Variants in TMEM117 observed in about 807,000 individuals in gnomAD.
TMEM117 encodes the protein transmembrane protein 117.
Under a neutral mutation model 52.4 loss-of-function variants are expected in TMEM117, and 27 were observed. That is an observed-to-expected ratio of 0.51 (90% CI 0.38 to 0.71). The LOEUF is 0.71. Among genes scored for constraint, TMEM117 ranks in the 30% least tolerant of loss-of-function variants. The pLI, the probability that TMEM117 is intolerant of heterozygous loss-of-function variation, is 0.00. For missense variants in TMEM117, 556 were observed against 630.5 expected (o/e 0.88, Z 1.26); for synonymous variants, 215 against 206.3 (o/e 1.04, Z -0.36).
intron 6 of TMEM117, among the ~76,000 whole-genome samples, chr12:44,337,312 C>T (rs1204277560): frequency 6.6e-6 from 1 of 151,912 alleles, no homozygotes; most frequent in African/African-American, 2.4e-5. Flanking sequence ...AACTGACCCT[C>T]TTATAAGGGA....
the TMEM117 span, chr12:43,796,894 T>C: frequency 7.3e-7 from 1 of 1,373,120 alleles, no homozygotes; most frequent in Non-Finnish European, 1.0e-6. Context: ...TTTTCATTTA[T>C]AAATCACAGT....
At chr12:44,026,120 T>A (rs1946530315) in intron 3 of TMEM117, among the ~76,000 whole-genome samples, 1 of 152,216 alleles carries the variant, frequency 6.6e-6, no homozygotes, top group African/African-American at 2.4e-5. Context: ...CATCTTGGTC[T>A]TGTGATTATT....
chr12:44,071,766 A>G (rs1312210675), intron 3 of TMEM117, among the ~76,000 whole-genome samples: 1 of 152,168 alleles, frequency 6.6e-6, no homozygotes, highest in Non-Finnish European at 1.5e-5. Context: ...TATCACATGT[A>G]TCCTATAAAT....
intron 2 of TMEM117, among the ~76,000 whole-genome samples, chr12:43,908,636 A>G (rs2137525400): frequency 6.6e-6 from 1 of 152,168 alleles, no homozygotes; most frequent in South Asian, 2.1e-4. Flanking sequence ...GGCTCAAAAT[A>G]AAAGGAGGGA....
At chr12:43,819,803 A>G in the TMEM117 span, among the ~76,000 whole-genome samples, 1 of 151,930 alleles carries the variant, frequency 6.6e-6, no homozygotes, top group African/African-American at 2.4e-5. Context: ...AGAGAGAGGG[A>G]GAGAGAGAGA....
At chr12:43,891,892 T>G (rs969006774) in intron 2 of TMEM117, among the ~76,000 whole-genome samples, 6 of 152,216 alleles carry the variant, frequency 3.9e-5, no homozygotes, top group Non-Finnish European at 7.3e-5. Flanking sequence ...TTTGCAAAAC[T>G]GTCCCGTGGA....
intron 3 of TMEM117, among the ~76,000 whole-genome samples, chr12:44,140,833 G>A (rs1948560740): frequency 2.0e-5 from 3 of 152,074 alleles, no homozygotes; most frequent in Admixed American, 2.0e-4. Context: ...TCAATATAAG[G>A]AAGTTGCCAA....
At chr12:43,936,023 T>C (rs1208929961) in intron 2 of TMEM117, among the ~76,000 whole-genome samples, 1 of 152,186 alleles carries the variant, frequency 6.6e-6, no homozygotes, top group African/African-American at 2.4e-5. Context: ...TCATGCCTTG[T>C]ATACCATGTT....
rs533235207 is a variant in TMEM117 at position 44,276,047 on chromosome 12, C to T, written c.609-23533C>T. On this transcript the variant is annotated intron_variant, in intron 5 of 7. Coordinates refer to ENST00000266534, the MANE Select transcript of TMEM117 (RefSeq NM_032256.3). Reference sequence around the variant, plus strand: ...GCATTGCATGCCTGTATCAAAACATCTTATGTATCCCATAAATATATACAC... The same window carrying T: ...GCATTGCATGCCTGTATCAAAACATTTTATGTATCCCATAAATATATACAC... 3.9e-5 allele frequency among the ~76,000 whole-genome samples: 6 copies of T among 152,208 alleles called. No homozygotes were observed. In the East Asian group the frequency reaches 9.7e-4, roughly 24 times the overall value.
intron 4 of TMEM117, among the ~76,000 whole-genome samples, chr12:44,183,036 T>C (rs1231960380): frequency 2.0e-5 from 3 of 152,194 alleles, no homozygotes; most frequent in African/African-American, 4.8e-5. Flanking sequence ...GTTTTGTTTT[T>C]CTTTCACACA....
intron 5 of TMEM117, among the ~76,000 whole-genome samples, chr12:44,215,948 A>G (rs1444139418): frequency 6.6e-6 from 1 of 151,322 alleles, no homozygotes; most frequent in Non-Finnish European, 1.5e-5. Flanking sequence ...CTAGGTGGAA[A>G]TATTTAATAT....
intron 6 of TMEM117, among the ~76,000 whole-genome samples, chr12:44,367,590 G>A (rs1189001921): frequency 6.6e-6 from 1 of 151,996 alleles, no homozygotes; most frequent in African/African-American, 2.4e-5. Flanking sequence ...CTTTCTAAAT[G>A]ATTTTATCCG....
At chr12:44,295,102 GTTTC>G (rs781314969) in intron 5 of TMEM117, among the ~76,000 whole-genome samples, 1 of 152,142 alleles carries the variant, frequency 6.6e-6, no homozygotes, top group Non-Finnish European at 1.5e-5. Context: ...TAAGCCTTCT[GTTTC>G]TTTCTTTCTC....
downstream of TMEM117, among the ~76,000 whole-genome samples, chr12:44,390,578 AT>A (rs1454670934): frequency 6.6e-6 from 1 of 152,094 alleles, no homozygotes; most frequent in Non-Finnish European, 1.5e-5. Context: ...CAGAAAAAAA[AT>A]AACAAACTTA....
chr12:44,104,290 A>T (rs1208556451), intron 3 of TMEM117, among the ~76,000 whole-genome samples: 1 of 151,758 alleles, frequency 6.6e-6, no homozygotes, highest in African/African-American at 2.4e-5. Context: ...TCATCTCTCC[A>T]TTCTTGTTTT....
intron 6 of TMEM117, among the ~76,000 whole-genome samples, chr12:44,310,291 C>A (rs917369189): frequency 9.2e-5 from 14 of 152,096 alleles, no homozygotes; most frequent in Non-Finnish European, 2.9e-5. Context: ...GTAGCCATAA[C>A]CTACAAATAG....
chr12:44,034,405 G>A (rs1946680010), intron 3 of TMEM117, among the ~76,000 whole-genome samples: 1 of 152,114 alleles, frequency 6.6e-6, no homozygotes, highest in South Asian at 2.1e-4. Context: ...TATAGCATTG[G>A]TATTAGATAT....
At chr12:44,134,964 A>G (rs554677981) in intron 3 of TMEM117, among the ~76,000 whole-genome samples, 1 of 152,150 alleles carries the variant, frequency 6.6e-6, no homozygotes, top group African/African-American at 2.4e-5. Context: ...CACACCACCC[A>G]TGTTTTTTCC....
intron 2 of TMEM117, among the ~76,000 whole-genome samples, chr12:43,917,832 T>A (rs1944630708): frequency 6.6e-6 from 1 of 152,146 alleles, no homozygotes; most frequent in South Asian, 2.1e-4. Flanking sequence ...GACCTTACAA[T>A]CCCCTTGTCC....
Sources: allele counts gnomAD v4.1 joint callset (sites outside exome capture counted in the v4.1 genomes callset), GRCh38; gene constraint gnomAD v4.1.1; transcripts MANE v1.5; gene names NCBI Gene and HGNC (gene_info 2026-07-23, HGNC 2026-07-21).